NLRP13: variants seen among roughly 807,000 people sequenced by gnomAD.
NLRP13 encodes the protein NACHT, LRR and PYD domains-containing protein 13.
In NLRP13, 82 loss-of-function variants were observed where a neutral mutation model predicts 94.4. The observed-to-expected ratio is 0.87, with a 90% confidence interval of 0.73 to 1.04. The LOEUF is 1.04. NLRP13 is among the 50% of genes least tolerant of loss of function. The pLI is 0.00. For missense variants in NLRP13, 1,426 were observed against 1,230.8 expected, an observed-to-expected ratio of 1.16 and a Z score of -2.37; for synonymous variants, 553 against 464.7, an observed-to-expected ratio of 1.19 and a Z score of -2.45.
intron 1 of NLRP13, among the ~76,000 whole-genome samples, chr19:55,930,898 A>ACACACACGTATATATATAC: frequency 3.8e-5 from 4 of 104,902 alleles, no homozygotes; most frequent in African/African-American, 1.5e-4. Flanking sequence ...ATATATATAT[A>ACACACACGTATATATATAC]AAATTTTAAC....
chr19:55,895,798 G>A, downstream of NLRP13: 1 of 799,588 alleles, frequency 1.3e-6, no homozygotes, highest in East Asian at 2.5e-5. Context: ...GCACAGCACA[G>A]AGATCACTCC....
intron 10 of NLRP13, among the ~76,000 whole-genome samples, chr19:55,897,523 A>G (rs1986048264): frequency 6.6e-6 from 1 of 152,160 alleles, no homozygotes; most frequent in Non-Finnish European, 1.5e-5. Flanking sequence ...AAAAAACCAT[A>G]AAGCCCTTCT....
chr19:55,898,860 A>G lies in NLRP13; in HGVS notation c.2867T>C (p.Ile956Thr). The G allele has an allele frequency of 3.1e-6, 5 of 1,613,978 alleles. No individual in the cohort carries two copies. The highest frequency in any genetic ancestry group is 4.2e-6 in the Non-Finnish European group (5 of 1,179,942). Reference sequence around the variant, plus strand: ...AAGATCATTTTCTCCCAAATCCAAGATTTTCACATTATGATTATGGCTGAG... The same window carrying G: ...AAGATCATTTTCTCCCAAATCCAAGGTTTTCACATTATGATTATGGCTGAG... ...NALSHNHNVK[I>T]LDLGENDLQD... is the part of the protein sequence containing the mutation. Residue 956 changes from isoleucine to threonine, a missense_variant, in exon 10 of 11, where the codon ATC becomes ACC. By Grantham distance (89) the Ile-to-Thr change is moderately conservative. Transcript: ENST00000342929.
At chr19:55,903,615 C>G (rs763465454) in intron 8 of NLRP13, among the ~76,000 whole-genome samples, 26 of 152,118 alleles carry the variant, frequency 1.7e-4, no homozygotes, top group Non-Finnish European at 3.1e-4. Flanking sequence ...ACCCCCAACC[C>G]AAACTCTTCT....
chr19:55,924,578 T>C lies in NLRP13; in HGVS notation c.457+12A>G. 6 of 1,603,022 alleles carry C rather than the reference T, an allele frequency of 3.7e-6. No homozygotes were observed. The highest frequency in any genetic ancestry group is 5.1e-6 in the Non-Finnish European group (6 of 1,170,414). ...AGCAACCTGTCAATTATCAACCAAG[T>C]AATGTACACACCTGTTTCTTCTTCT... On this transcript the variant is annotated intron_variant, in intron 3 of 10. Transcript: ENST00000342929.
chr19:55,927,997 T>C (rs1230881567), intron 1 of NLRP13, among the ~76,000 whole-genome samples: 5 of 152,146 alleles, frequency 3.3e-5, no homozygotes, highest in Admixed American at 6.6e-5. Flanking sequence ...ACAGAAATAC[T>C]CATGGTACAG....
chr19:55,908,124 A>G (rs2117900), intron 6 of NLRP13, among the ~76,000 whole-genome samples, 168 bp from the exon 7 acceptor site: 59,777 of 151,772 alleles, frequency 0.39, 12,163 homozygotes, highest in African/African-American at 0.5. Flanking sequence ...TTGAAAATAA[A>G]AACTAAAATA....
chr19:55,906,791 C>T lies in NLRP13; in HGVS notation c.2447+1001G>A, dbSNP rs147178214. 1.2e-3 allele frequency among the ~76,000 whole-genome samples: 177 copies of T among 152,136 alleles called. 3 individuals are homozygous for T. Among genetic ancestry groups the T allele is most frequent in the African/African-American group, 3.5e-3 (144 of 41,478 alleles). On this transcript the variant is annotated intron_variant, in intron 7 of 10. Coordinates refer to ENST00000342929, the MANE Select transcript of NLRP13 (RefSeq NM_176810.2). Reference sequence around the variant, plus strand: ...TCCATGAATGAAAGCTGACTTTCTCCCTCTTCCCCATCCCTTTCAGAGGTT... The same window carrying T: ...TCCATGAATGAAAGCTGACTTTCTCTCTCTTCCCCATCCCTTTCAGAGGTT...
At position 55,899,396 on chromosome 19, in the gene NLRP13, G is replaced by T. The variant is rs190912351; in HGVS notation, c.2790-459C>A. Among the ~76,000 whole-genome samples the T allele has an allele frequency of 3.3e-3, 504 of 152,252 alleles. 2 individuals carry two copies. Among genetic ancestry groups the T allele is most frequent in the Non-Finnish European group, 5.0e-3 (342 of 68,012 alleles). On this transcript the variant is annotated intron_variant, in intron 9 of 10. Transcript: ENST00000342929. Reference sequence around the variant, plus strand: ...CAGGTGACTATTTGGAGAAAATATGGGTTGAGGTGGGGAGGGATGAGGAGA... The same window carrying T: ...CAGGTGACTATTTGGAGAAAATATGTGTTGAGGTGGGGAGGGATGAGGAGA...
chr19:55,905,004 A>G lies in NLRP13; in HGVS notation c.2556T>C (p.Asp852=). 1.2e-6 allele frequency: 2 copies of G among 1,614,040 alleles called. No homozygotes were observed. The highest frequency in any genetic ancestry group is 1.7e-5 in the Admixed American group (1 of 60,002). ...RLCLGFNRLQ[D]DGIKLLCAAL... is the part of the protein sequence containing the mutation. ...CCGCACACAATAGCTTTATGCCATCATCTTGGAGCCGATTAAATCCCAGGC... is the reference window on the plus strand; with the variant it reads ...CCGCACACAATAGCTTTATGCCATCGTCTTGGAGCCGATTAAATCCCAGGC... Residue 852 remains aspartate, a synonymous_variant, in exon 8 of 11, where the codon GAT becomes GAC. Transcript: ENST00000342929.
downstream of NLRP13, among the ~76,000 whole-genome samples, chr19:55,892,519 C>A (rs1430566717): frequency 6.6e-6 from 1 of 152,052 alleles, no homozygotes; most frequent in African/African-American, 2.4e-5. Context: ...CCTCCTGGGC[C>A]CCAGCGATTC....
Position 55,912,473 on chromosome 19 carries a change from G to A in NLRP13, c.1344C>T (p.Ile448=), listed in dbSNP as rs371472886. 1.2e-6 allele frequency: 2 copies of A among 1,614,064 alleles called. No homozygotes were observed. Among genetic ancestry groups the A allele is most frequent in the African/African-American group, 2.7e-5 (2 of 74,930 alleles). Residue 448 remains isoleucine (I), a synonymous_variant, in exon 5 of 11, where the codon ATC becomes ATT. Transcript: ENST00000342929. ...PKVRYYDLQS[I]TQTTTSLYAY... ...CATACAGACTGGTGGTAGTCTGAGT[G>A]ATTGACTGGAGATCGTAATACCTCA...
chr19:55,901,638 C>T lies in NLRP13; in HGVS notation c.2789+397G>A, dbSNP rs368369105. ...TTGATCAGGCTATTTGAAGAGAAAC[C>T]TTGTCATATCCCACATGTGATTGCA... On this transcript the variant is annotated intron_variant, in intron 9 of 10. Coordinates refer to ENST00000342929, the MANE Select transcript of NLRP13 (RefSeq NM_176810.2). 1.4e-4 allele frequency among the ~76,000 whole-genome samples: 22 copies of T among 152,210 alleles called. No homozygotes were observed. The South Asian group carries it at 4.2e-3, about 29-fold the overall frequency.
At chr19:55,903,263 A>T (rs1986241142) in intron 8 of NLRP13, among the ~76,000 whole-genome samples, 2 of 152,080 alleles carry the variant, frequency 1.3e-5, no homozygotes, top group Admixed American at 6.6e-5. Context: ...ATTCTTGGAG[A>T]CTCAGTGCCG....
At chr19:55,899,601 G>A (rs1162636861) in intron 9 of NLRP13, among the ~76,000 whole-genome samples, 1 of 152,108 alleles carries the variant, frequency 6.6e-6, no homozygotes, top group Non-Finnish European at 1.5e-5. Context: ...CCAACATGGT[G>A]AAACCCCATC....
chr19:55,900,252 A>AG (rs1355939181), intron 9 of NLRP13, among the ~76,000 whole-genome samples: 1 of 151,918 alleles, frequency 6.6e-6, no homozygotes, highest in Non-Finnish European at 1.5e-5. Context: ...GTTAAAAAAA[A>AG]AATCAGCAAA....
intron 1 of NLRP13, among the ~76,000 whole-genome samples, chr19:55,927,368 GGAA>G (rs1164231602): frequency 1.2e-5 from 1 of 84,676 alleles, no homozygotes; most frequent in African/African-American, 5.5e-5. Flanking sequence ...GCTCCATCTA[GGAA>G]AAAAAAAAAA....
chr19:55,910,464 G>T, intron 6 of NLRP13, 99 bp downstream of exon 6: 2 of 1,165,940 alleles, frequency 1.7e-6, no homozygotes, highest in Non-Finnish European at 2.4e-6. Flanking sequence ...TGAGCACGTA[G>T]CTTGCCTTCT....
At chr19:55,930,900 A>ACACACGT (rs56336813) in intron 1 of NLRP13, among the ~76,000 whole-genome samples, 11 of 105,144 alleles carry the variant, frequency 1.0e-4, no homozygotes, top group African/African-American at 3.7e-4. Context: ...ATATATATAA[A>ACACACGT]ATTTTAACCA....
Sources: allele counts gnomAD v4.1 joint callset (sites outside exome capture counted in the v4.1 genomes callset), GRCh38; gene constraint gnomAD v4.1.1; transcripts MANE v1.5; gene names NCBI Gene and HGNC (gene_info 2026-07-23, HGNC 2026-07-21).